Variants in PDS5B observed in about 807,000 individuals in gnomAD.
PDS5B encodes the protein PDS5 cohesin associated factor B, also known as sister chromatid cohesion protein PDS5 homolog B.
PDS5B carries 51 observed loss-of-function variants against 184.1 expected under a neutral mutation model. That is an observed-to-expected ratio of 0.28 (90% CI 0.22 to 0.35). PDS5B has a LOEUF of 0.35. Among genes scored for constraint, PDS5B ranks in the 10% least tolerant of loss-of-function variants. The pLI is 1.00. For synonymous variants in PDS5B, 566 were observed against 569.2 expected (o/e 0.99, Z 0.08); for missense variants, 1,180 against 1,723.3 (o/e 0.68, Z 5.58).
At chr13:32,636,489 C>T (rs1439385790) in intron 1 of PDS5B, among the ~76,000 whole-genome samples, 2 of 152,152 alleles carry the variant, frequency 1.3e-5, no homozygotes, top group South Asian at 2.1e-4. Flanking sequence ...TTCAGCAGTG[C>T]ACCAGAGATG....
intron 21 of PDS5B, among the ~76,000 whole-genome samples, chr13:32,737,105 T>G (rs1953359296): frequency 6.6e-6 from 1 of 152,198 alleles, no homozygotes; most frequent in South Asian, 2.1e-4. Context: ...GGTCAAATCT[T>G]ACCTTGTACA....
At chr13:32,667,978 T>C in intron 7 of PDS5B, 134 bp downstream of exon 7, 1 of 453,888 alleles carries the variant, frequency 2.2e-6, no homozygotes, top group Non-Finnish European at 4.0e-6. Context: ...TTAAGTAATA[T>C]ATTTTCTTTC....
At chr13:32,665,871 C>G (rs1950781568) in intron 6 of PDS5B, among the ~76,000 whole-genome samples, 2 of 152,002 alleles carry the variant, frequency 1.3e-5, no homozygotes, top group Admixed American at 1.3e-4. Context: ...ATGGATGGAA[C>G]TGGAGGTTAT....
Position 32,686,324 on chromosome 13 carries a change from T to TA in PDS5B, c.1204-809dup, listed in dbSNP as rs1285872402. 6.6e-5 allele frequency among the ~76,000 whole-genome samples: 10 copies of TA among 152,392 alleles called. No individual in the cohort carries two copies. The East Asian group carries it at 1.9e-3, about 29-fold the overall frequency. On this transcript the variant is annotated intron_variant, in intron 11 of 34. Transcript: ENST00000315596. ...ATGTACAGAATGGACCACTGATAAG[T>TA]ATTTTTACATTCAGCATTTGATAAA...
At chr13:32,696,050 G>T (rs935451281) in intron 14 of PDS5B, among the ~76,000 whole-genome samples, 2 of 152,126 alleles carry the variant, frequency 1.3e-5, no homozygotes, top group East Asian at 3.8e-4. Context: ...CTAGACAGCT[G>T]TTAGATGCTT....
At chr13:32,655,374 A>ATATATATTTTTTTTTT in intron 3 of PDS5B, among the ~76,000 whole-genome samples, 2 of 72,466 alleles carry the variant, frequency 2.8e-5, no homozygotes, top group African/African-American at 8.3e-5. Context: ...ATATATATAT[A>ATATATATTTTTTTTTT]TTTTTTTTTT....
intron 23 of PDS5B, among the ~76,000 whole-genome samples, chr13:32,744,257 T>G (rs550609637): frequency 6.6e-6 from 1 of 152,318 alleles, no homozygotes; most frequent in Non-Finnish European, 1.5e-5. Flanking sequence ...AAATTTCGAA[T>G]GTAATTGGAA....
At chr13:32,720,776 C>T (rs1952645220) in intron 19 of PDS5B, among the ~76,000 whole-genome samples, 1 of 151,658 alleles carries the variant, frequency 6.6e-6, no homozygotes, top group Admixed American at 6.6e-5. Context: ...TTTTCCTAGG[C>T]AGAGGACCCT....
At position 32,775,289 on chromosome 13, in the gene PDS5B, A is replaced by T. The variant is rs1333044278; in HGVS notation, c.*237A>T. On this transcript the variant is annotated 3_prime_UTR_variant, in exon 35 of 35. Transcript: ENST00000315596. ...TGTAATGTGCGATGGCTATGTAGAC[A>T]TAAAGAAGAAACTTGTAAATATCTT... 2 of 516,592 alleles carry T rather than the reference A, an allele frequency of 3.9e-6. No individual in the cohort carries two copies. Among genetic ancestry groups the T allele is most frequent in the Non-Finnish European group, 6.8e-6 (2 of 293,096 alleles). The allele number at this position is 516,592 out of a possible 1,614,324, so 32.0% of individuals were successfully genotyped here.
chr13:32,610,631 TG>T (rs1352938769), intron 1 of PDS5B, among the ~76,000 whole-genome samples: 11 of 143,410 alleles, frequency 7.7e-5, no homozygotes, highest in African/African-American at 2.8e-4. Flanking sequence ...TTTTTTTTTT[TG>T]CTTTAAAAAT....
intron 19 of PDS5B, among the ~76,000 whole-genome samples, chr13:32,727,096 C>G (rs934470756): frequency 2.0e-5 from 3 of 152,080 alleles, no homozygotes; most frequent in African/African-American, 7.2e-5. Context: ...GGGTTTAAAG[C>G]TACCATCTTG....
intron 19 of PDS5B, among the ~76,000 whole-genome samples, chr13:32,716,687 G>C: frequency 7.7e-6 from 1 of 129,270 alleles, no homozygotes; most frequent in Non-Finnish European, 1.7e-5. Context: ...CCCCCCGCCC[G>C]GCCAGCTGCC....
intron 1 of PDS5B, among the ~76,000 whole-genome samples, chr13:32,644,275 G>C (rs959873449): frequency 6.6e-6 from 1 of 152,104 alleles, no homozygotes; most frequent in Non-Finnish European, 1.5e-5. Context: ...TACACATTTG[G>C]TATGTTTCTT....
At chr13:32,658,614 A>C in intron 5 of PDS5B, 83 bp downstream of exon 5, 1 of 656,428 alleles carries the variant, frequency 1.5e-6, no homozygotes, top group South Asian at 2.0e-5. Flanking sequence ...AAACTGTTAC[A>C]ATGAATATTA....
At chr13:32,662,260 A>G (rs1249527671) in intron 6 of PDS5B, among the ~76,000 whole-genome samples, 1 of 152,162 alleles carries the variant, frequency 6.6e-6, no homozygotes, top group African/African-American at 2.4e-5. Flanking sequence ...CCAGGAAGAT[A>G]TCTAAACTTG....
At chr13:32,661,693 A>C (rs1950652689) in intron 6 of PDS5B, among the ~76,000 whole-genome samples, 1 of 152,140 alleles carries the variant, frequency 6.6e-6, no homozygotes, top group African/African-American at 2.4e-5. Context: ...AGAGTAAAAA[A>C]AAAATAAAAA....
In PDS5B at chr13:32,753,251, T is replaced by G. The variant is rs1954051713; in HGVS notation, c.2737-81T>G. The G allele has an allele frequency of 1.6e-5, 19 of 1,191,794 alleles. No homozygotes were observed. In the African/African-American group the frequency reaches 2.1e-4, roughly 13 times the overall value. 73.8% of individuals were successfully genotyped at this position (1,191,794 alleles called of 1,614,324 possible). ...AAACTTGCTACTGTTTACTCTTTAC[T>G]TAAAATAGCAAATTTTATATCTGAA... On this transcript the variant is annotated intron_variant, in intron 24 of 34. Coordinates refer to ENST00000315596, the MANE Select transcript of PDS5B (RefSeq NM_015032.4).
intron 3 of PDS5B, 59 bp downstream of exon 3, chr13:32,652,066 T>A: frequency 8.7e-7 from 1 of 1,153,434 alleles, no homozygotes; most frequent in Non-Finnish European, 1.3e-6. Context: ...TCTTTCTAAC[T>A]AAAATGGGAG....
In PDS5B at chr13:32,661,898, GAT is replaced by G. The variant is rs372403035; in HGVS notation, c.624+2621_624+2622del. Among the ~76,000 whole-genome samples, 19 of 152,236 alleles carry G rather than the reference GAT, an allele frequency of 1.2e-4. 1 individual carries two copies. In the East Asian group the frequency reaches 3.5e-3, roughly 28 times the overall value. On this transcript the variant is annotated intron_variant, in intron 6 of 34. Transcript: ENST00000315596. ...GAGTGGTTTAATGGAATTAGTAAGT[GAT>G]ATGATCCTGGGATGATCAGGAGTAT...
Sources: gnomAD v4.1 joint callset for allele counts (sites outside exome capture counted in the v4.1 genomes callset) on GRCh38, gnomAD v4.1.1 for gene constraint, MANE v1.5 for transcripts, NCBI Gene and HGNC (gene_info 2026-07-23, HGNC 2026-07-21) for gene names.